UNC45B: variants seen among roughly 807,000 people sequenced by gnomAD.
UNC45B encodes the protein protein unc-45 homolog B.
In UNC45B, 78 loss-of-function variants were observed where a neutral mutation model predicts 98.7. The ratio of observed to expected loss-of-function variants is 0.79; its 90% CI spans 0.66 to 0.95. The LOEUF is 0.95. UNC45B is among the 40% of genes least tolerant of loss of function. The pLI, the probability that UNC45B is intolerant of heterozygous loss-of-function variation, is 0.00. For synonymous variants in UNC45B, 462 were observed against 480.4 expected (o/e 0.96, Z 0.50); for missense variants, 1,225 against 1,184.9 (o/e 1.03, Z -0.50).
intron 19 of UNC45B, 93 bp downstream of exon 19, chr17:35,183,675 A>C: frequency 7.7e-7 from 1 of 1,306,036 alleles, no homozygotes; most frequent in Non-Finnish European, 9.9e-7. Flanking sequence ...GGGGAGGCCA[A>C]CTCCTAAAGA....
chr17:35,169,382 A>G (rs1474253391), intron 10 of UNC45B, among the ~76,000 whole-genome samples: 2 of 152,098 alleles, frequency 1.3e-5, no homozygotes, highest in African/African-American at 4.8e-5. Flanking sequence ...GACAAAAGTG[A>G]ATTTTCTCTT....
Position 35,148,394 on chromosome 17 carries a change from C to T in UNC45B, c.131C>T (p.Thr44Met), listed in dbSNP as rs781198274. 32 of 1,613,900 alleles carry T rather than the reference C, an allele frequency of 2.0e-5. No homozygotes were observed. The highest frequency in any genetic ancestry group is 2.3e-5 in the Non-Finnish European group (27 of 1,180,034). Residue 44 changes from threonine (T) to methionine (M), a missense_variant, in exon 2 of 20, where the codon ACG (threonine) becomes ATG (methionine). Physicochemically the swap from Thr to Met is moderately conservative, Grantham distance 81. Transcript: ENST00000394570. ...KLTKDKALLATLYRNRAACGL... is the reference protein window; with the variant it reads ...KLTKDKALLAMLYRNRAACGL... ...ACCAAGGACAAGGCCCTGCTGGCCA[C>T]GCTTTATCGGAACCGGGCAGCCTGT...
At position 35,170,163 on chromosome 17, in the gene UNC45B, G is replaced by C. The variant is rs2092173418; in HGVS notation, c.1597G>C (p.Glu533Gln). ...CACTCGGACCCGACGCTGGGCAGTG[G>C]AGGGCCTGGCCTACCTCACGCTGGA... ...IDTRTRRWAVEGLAYLTLDAD... is the reference protein window; with the variant it reads ...IDTRTRRWAVQGLAYLTLDAD... Residue 533 changes from glutamate (E) to glutamine (Q), a missense_variant, in exon 12 of 20, where the codon GAG (glutamate) becomes CAG (glutamine). Transcript: ENST00000394570. The C allele has an allele frequency of 6.2e-7, 1 of 1,613,876 alleles. No homozygotes were observed. Among genetic ancestry groups the C allele is most frequent in the Non-Finnish European group, 8.5e-7 (1 of 1,179,846 alleles).
chr17:35,184,911 C>G (rs973108342), intron 19 of UNC45B, among the ~76,000 whole-genome samples: 28 of 152,326 alleles, frequency 1.8e-4, no homozygotes, highest in African/African-American at 6.3e-4. Flanking sequence ...AGTCTCATGT[C>G]ATCTGGGCTA....
intron 14 of UNC45B, among the ~76,000 whole-genome samples, chr17:35,175,109 G>GAAAGAAAAAAGAA (rs2142581421): frequency 5.4e-5 from 8 of 147,372 alleles, no homozygotes; most frequent in African/African-American, 2.0e-4. Context: ...AAAAAGAAAA[G>GAAAGAAAAAAGAA]AAAGAAAGGG....
Position 35,150,076 on chromosome 17 carries a change from G to A in UNC45B, c.234G>A (p.Lys78=). ...RAIDINSSDI[K]ALYRRCQALE... ...TCGACATCAACTCCTCGGACATCAAGGCTCTGTATCGGCGATGCCAGGCAC... is the reference window on the plus strand; with the variant it reads ...TCGACATCAACTCCTCGGACATCAAAGCTCTGTATCGGCGATGCCAGGCAC... The change falls in exon 4 of 20, where the codon AAG becomes AAA. Residue 78 remains lysine, a synonymous_variant. Coordinates refer to ENST00000394570, the MANE Select transcript of UNC45B (RefSeq NM_001267052.2). The A allele has an allele frequency of 1.2e-6, 2 of 1,611,400 alleles. No homozygotes were observed. Among genetic ancestry groups the A allele is most frequent in the Non-Finnish European group, 1.7e-6 (2 of 1,178,700 alleles).
At chr17:35,158,388 G>T (rs1026104593) in intron 7 of UNC45B, among the ~76,000 whole-genome samples, 1 of 152,168 alleles carries the variant, frequency 6.6e-6, no homozygotes. Context: ...ATGGTGGCTG[G>T]ATTCTAAATG....
rs2092230835 is a variant in UNC45B, at chr17:35,176,032, A to C, written c.2023A>C (p.Lys675Gln). 9.9e-6 allele frequency: 16 copies of C among 1,614,050 alleles called. 1 individual carries two copies. Among genetic ancestry groups the C allele is most frequent in the Admixed American group, 1.7e-5 (1 of 60,002 alleles). ...CACCATTGTGGCTCAAGGTGGTGGC[A>C]AGGTAACTGGGCAGGTGCCTTCCTA... ...RGTIVAQGGG[K>Q]ALIPLALEGT... Residue 675 changes from lysine (K) to glutamine (Q), a missense_variant and splice_region_variant, in exon 15 of 20, where the codon AAG (lysine) becomes CAG (glutamine). Transcript: ENST00000394570.
intron 3 of UNC45B, among the ~76,000 whole-genome samples, chr17:35,149,659 C>T (rs1050487136): frequency 2.0e-4 from 30 of 152,340 alleles, no homozygotes; most frequent in African/African-American, 7.0e-4. Flanking sequence ...TTGTGATCTG[C>T]CTACCTTGGC....
chr17:35,156,592 C>T (rs1403395319), intron 7 of UNC45B, among the ~76,000 whole-genome samples: 1 of 152,028 alleles, frequency 6.6e-6, no homozygotes, highest in Admixed American at 6.5e-5. Flanking sequence ...CACCACTGCA[C>T]TCCAACCCGG....
At chr17:35,164,975 C>T (rs1597917416) in intron 9 of UNC45B, among the ~76,000 whole-genome samples, 3 of 151,990 alleles carry the variant, frequency 2.0e-5, no homozygotes, top group South Asian at 4.2e-4. Context: ...CTCAAGCGAT[C>T]CTCCTGCCTC....
intron 17 of UNC45B, among the ~76,000 whole-genome samples, chr17:35,180,253 T>TGAGAGAGAGAGA (rs56300196): frequency 0.03 from 4,182 of 139,780 alleles, 89 homozygotes; most frequent in East Asian, 0.085. Flanking sequence ...ACATCCAGGA[T>TGAGAGAGAGAGA]GAGAGAGAGA....
intron 10 of UNC45B, 62 bp downstream of exon 10, chr17:35,168,423 AC>A (rs1173492200): frequency 7.8e-7 from 1 of 1,285,198 alleles, no homozygotes; most frequent in East Asian, 2.8e-5. Context: ...CACCAGGGAC[AC>A]CAAAATGAAT....
At position 35,152,974 on chromosome 17, in the gene UNC45B, C is replaced by T. The variant is rs199997253; in HGVS notation, c.463C>T (p.Arg155Trp). The stretch of plus-strand genomic sequence containing the variant: ...GGATGAAAACAGTGAGGCTGATAAG[C>T]GGGAAAAGGTGAGTGCTGGCCAGTG... ...LLDENSEADK[R>W]EKAANNLIVL... The change falls in exon 5 of 20, where the codon CGG becomes TGG. Residue 155 changes from arginine to tryptophan, a missense_variant. Arg to Trp is a moderately radical substitution (Grantham distance 101, BLOSUM62 -3). Coordinates refer to ENST00000394570, the MANE Select transcript of UNC45B (RefSeq NM_001267052.2). 4.7e-5 allele frequency: 76 copies of T among 1,612,408 alleles called. No homozygotes were observed. The Middle Eastern group carries it at 1.1e-3, about 22-fold the overall frequency.
intron 14 of UNC45B, 149 bp downstream of exon 14, chr17:35,174,518 A>G (rs562693567): frequency 8.4e-7 from 1 of 1,194,518 alleles, no homozygotes; most frequent in East Asian, 2.6e-5. Context: ...TGAGGGGATC[A>G]GCTTTGAAAA....
chr17:35,155,789 C>A (rs1028510303), intron 7 of UNC45B, among the ~76,000 whole-genome samples: 1 of 152,138 alleles, frequency 6.6e-6, no homozygotes, highest in Non-Finnish European at 1.5e-5. Flanking sequence ...AGGCTGGTCT[C>A]AAACTCCAGA....
At chr17:35,147,932 G>A in intron 1 of UNC45B, 22 bp downstream of exon 1, 1 of 303,270 alleles carries the variant, frequency 3.3e-6, no homozygotes, top group Non-Finnish European at 6.3e-6. Context: ...CCTGGGGTGT[G>A]CCCTGGACTG....
At chr17:35,180,904 A>G (rs2092269485) in intron 18 of UNC45B, among the ~76,000 whole-genome samples, 1 of 152,152 alleles carries the variant, frequency 6.6e-6, no homozygotes, top group Admixed American at 6.5e-5. Flanking sequence ...GGGGCTTTCA[A>G]TCCAGACCCT....
At position 35,171,482 on chromosome 17, in the gene UNC45B, G is replaced by A. The variant is rs770858973; in HGVS notation, c.1830+20G>A. 26 of 1,612,450 alleles carry A rather than the reference G, an allele frequency of 1.6e-5. No individual in the cohort carries two copies. In the South Asian group the frequency reaches 1.9e-4, roughly 12 times the overall value. On this transcript the variant is annotated intron_variant, in intron 13 of 19. Coordinates refer to ENST00000394570, the MANE Select transcript of UNC45B (RefSeq NM_001267052.2). ...CCCAAGGTAGGGTCAGGCGCGACCC[G>A]GGAGGGGTCTGGTCTGTGCCACTAG...
Sources: allele counts gnomAD v4.1 joint callset (sites outside exome capture counted in the v4.1 genomes callset), GRCh38; gene constraint gnomAD v4.1.1; transcripts MANE v1.5; gene names NCBI Gene and HGNC (gene_info 2026-07-23, HGNC 2026-07-21).